Variants in NUP160 observed in about 807,000 individuals in gnomAD.
NUP160 encodes nucleoporin 160.
Under a neutral mutation model 196.9 loss-of-function variants are expected in NUP160, and 94 were observed. That is an observed-to-expected ratio of 0.48 (90% CI 0.40 to 0.57). The LOEUF (loss-of-function observed/expected upper bound fraction) is 0.57, where lower values mean the gene tolerates loss of function less well. Among genes scored for constraint, NUP160 ranks in the 20% least tolerant of loss-of-function variants. NUP160 has a pLI of 0.00. For missense variants in NUP160, 1,638 were observed against 1,748.3 expected, an observed-to-expected ratio of 0.94 and a Z score of 1.13; for synonymous variants, 605 against 619.7, an observed-to-expected ratio of 0.98 and a Z score of 0.35.
exon 1 of NUP160, chr11:47,848,382 C>G: frequency 6.2e-7 from 1 of 1,606,112 alleles, no homozygotes; most frequent in Non-Finnish European, 8.5e-7. Flanking sequence ...CCGTCACTTC[C>G]GGGGGTGGGG....
At chr11:47,822,910 T>C (rs936902516) in intron 7 of NUP160, among the ~76,000 whole-genome samples, 2 of 152,226 alleles carry the variant, frequency 1.3e-5, no homozygotes, top group South Asian at 4.1e-4. Flanking sequence ...CATCCTTTTT[T>C]ATGGCTGCAT....
In NUP160 at chr11:47,848,342, CA is replaced by C. The variant is rs1182921722; in HGVS notation, c.78del (p.Arg28ValfsTer21). 1.2e-6 allele frequency: 2 copies of C among 1,613,384 alleles called. No homozygotes were observed. Among genetic ancestry groups the C allele is most frequent in the South Asian group, 2.2e-5 (2 of 91,046 alleles). On this transcript the variant is annotated frameshift_variant, in exon 1 of 36. Coordinates refer to ENST00000378460, the Ensembl canonical transcript of NUP160. LOFTEE classifies it high-confidence loss of function. ...ATCTTCCCGCCGTCGCCGCGACGCC[CA>C]ACGGAACAAAGGCAGGGCCGCGCGG...
chr11:47,788,329 T>C (rs758825725), intron 30 of NUP160, 24 bp from the exon 31 acceptor site: 7 of 1,613,384 alleles, frequency 4.3e-6, no homozygotes, highest in Non-Finnish European at 5.9e-6. Context: ...AAAAGATTAT[T>C]TCGTGTAGCC....
At chr11:47,824,938 C>G (rs1169131864) in intron 7 of NUP160, among the ~76,000 whole-genome samples, 2 of 151,950 alleles carry the variant, frequency 1.3e-5, no homozygotes, top group African/African-American at 4.8e-5. Flanking sequence ...TGGGTTCACG[C>G]CATTCTCCTG....
At chr11:47,792,623 T>C in intron 28 of NUP160, 163 bp downstream of exon 28, 1 of 676,328 alleles carries the variant, frequency 1.5e-6, no homozygotes, top group African/African-American at 1.8e-5. Flanking sequence ...GGTAGTAATA[T>C]ACAACAATTG....
chr11:47,835,139 A>G (rs1432212973), intron 7 of NUP160, among the ~76,000 whole-genome samples: 1 of 152,172 alleles, frequency 6.6e-6, no homozygotes, highest in Non-Finnish European at 1.5e-5. Context: ...GATAAAACGC[A>G]TATAGCATAT....
chr11:47,818,859 T>C (rs184852009), intron 10 of NUP160, among the ~76,000 whole-genome samples: 43 of 152,296 alleles, frequency 2.8e-4, no homozygotes, highest in African/African-American at 1.0e-3. Context: ...ACTCTTGGGA[T>C]TAAGAGTGCA....
intron 23 of NUP160, among the ~76,000 whole-genome samples, chr11:47,798,842 C>T (rs181242301): frequency 1.3e-5 from 2 of 150,620 alleles, no homozygotes; most frequent in Non-Finnish European, 3.0e-5. Context: ...TCCTCAGTGC[C>T]TAGTATACAG....
intron 7 of NUP160, among the ~76,000 whole-genome samples, chr11:47,833,016 A>G (rs887167111): frequency 1.3e-5 from 2 of 152,164 alleles, no homozygotes; most frequent in African/African-American, 2.4e-5. Flanking sequence ...TGATAGCTAA[A>G]AGGTATGGGG....
chr11:47,846,141 GAAA>G (rs577714628), intron 2 of NUP160, among the ~76,000 whole-genome samples: 1 of 93,784 alleles, frequency 1.1e-5, no homozygotes. Context: ...CTCTCAAAAA[GAAA>G]AAAAAAAAAA....
intron 20 of NUP160, among the ~76,000 whole-genome samples, chr11:47,805,275 G>A (rs1009440979): frequency 6.6e-6 from 1 of 151,734 alleles, no homozygotes; most frequent in Admixed American, 6.6e-5. Flanking sequence ...GACTACAGAC[G>A]CATGCCACCA....
intron 28 of NUP160, chr11:47,792,413 C>T (rs1278064069): frequency 4.5e-6 from 1 of 219,896 alleles, no homozygotes; most frequent in East Asian, 1.2e-4. Context: ...GTTTGTGGGC[C>T]AGGCACTGTT....
chr11:47,842,443 ATCTCCCGTGAGGACAGTGACCCCAGAGTT>A (rs1852324243), intron 2 of NUP160, among the ~76,000 whole-genome samples: 1 of 151,958 alleles, frequency 6.6e-6, no homozygotes. Flanking sequence ...TGGATCCTGG[ATCTCCCGTGAGGACAGTGACCCCAGAGTT>A]TTCTCTACCA....
Position 47,831,842 on chromosome 11 carries a change from C to CAAAAAAA in NUP160, c.1101+3802_1101+3808dup, listed in dbSNP as rs372159602. ...TTAGTGACAAAGCGAGACTCTCTCT[C>CAAAAAAA]AAAAAAAAAAAAAAAAAAAAAAAAA... On this transcript the variant is annotated intron_variant, in intron 7 of 35. Transcript: ENST00000378460. Among the ~76,000 whole-genome samples, 79 of 66,664 alleles carry CAAAAAAA rather than the reference C, an allele frequency of 1.2e-3. 2 individuals are homozygous for CAAAAAAA. Among genetic ancestry groups the CAAAAAAA allele is most frequent in the African/African-American group, 5.0e-3 (71 of 14,096 alleles). 43.7% of individuals were successfully genotyped at this position (66,664 alleles called of 152,430 possible). A position where few individuals can be genotyped will look rare whatever the true frequency, so the allele number is the denominator to read the frequency against.
At chr11:47,781,740 C>T (rs1250638462) in intron 34 of NUP160, among the ~76,000 whole-genome samples, 1 of 152,054 alleles carries the variant, frequency 6.6e-6, no homozygotes. Context: ...TAAAAAAATG[C>T]TTGTAGAGAC....
In NUP160 at chr11:47,806,178, T is replaced by C. The variant is rs778236595; in HGVS notation, c.2581A>G (p.Ile861Val). Residue 861 changes from isoleucine (I) to valine (V), a missense_variant, in exon 20 of 36, where the codon ATT becomes GTT. By Grantham distance (29) the Ile-to-Val change is conservative (BLOSUM62 3). Around this residue, in one of 3 missense-constraint regions of NUP160, gnomAD observed 1,345 missense variants for 1,470.2 expected, o/e 0.91. Coordinates refer to ENST00000378460, the Ensembl canonical transcript of NUP160. ...AAAAGCTGCAATAAATAACTGGTAA[T>C]TGCAGTAATCATTTCAGGCCAATTC... 5.0e-6 allele frequency: 8 copies of C among 1,614,000 alleles called. No homozygotes were observed. In the East Asian group the frequency reaches 1.1e-4, roughly 22 times the overall value.
chr11:47,848,405 C>G, exon 1 of NUP160: 2 of 1,587,240 alleles, frequency 1.3e-6, no homozygotes, highest in East Asian at 2.3e-5. Context: ...GGCGGAGCTG[C>G]GGACAGGTGA....
intron 30 of NUP160, 84 bp from the exon 31 acceptor site, chr11:47,788,389 C>T: frequency 1.3e-6 from 2 of 1,577,998 alleles, no homozygotes; most frequent in Non-Finnish European, 8.7e-7. Context: ...ATGAGTATCT[C>T]TGAGTAATAA....
chr11:47,831,161 TCAA>T (rs75205280), intron 7 of NUP160, among the ~76,000 whole-genome samples: 19 of 150,842 alleles, frequency 1.3e-4, no homozygotes, highest in Admixed American at 5.3e-4. Flanking sequence ...AGATTCCATC[TCAA>T]CAACAACAAC....
Sources: gnomAD v4.1 joint callset for allele counts (sites outside exome capture counted in the v4.1 genomes callset) on GRCh38, gnomAD v4.1.1 for gene constraint, gnomAD v4.1.1 regional missense constraint, MANE v1.5 for transcripts, NCBI Gene and HGNC (gene_info 2026-07-23, HGNC 2026-07-21) for gene names.